The following TTC19 variants were observed in gnomAD, a reference collection of about 807,000 sequenced individuals.
The protein encoded by TTC19 is tetratricopeptide repeat domain 19.
A neutral mutation model predicts 49.5 loss-of-function variants in TTC19; 38 were observed. That is an observed-to-expected ratio of 0.77 (90% CI 0.59 to 1.01). The LOEUF is 1.01. TTC19 is among the 50% of genes least tolerant of loss of function. The probability of loss-of-function intolerance (pLI) is 0.00; values close to 1 mark genes in which losing one functional copy is unlikely to be tolerated. For missense variants in TTC19, 475 were observed against 477.7 expected (o/e 0.99, Z 0.05); for synonymous variants, 204 against 185.2 (o/e 1.10, Z -0.83).
chr17:16,027,371 T>C lies in TTC19; in HGVS notation c.995-3T>C, dbSNP rs754549072. 1.2e-6 allele frequency: 2 copies of C among 1,613,846 alleles called. No individual in the cohort carries two copies. Among genetic ancestry groups the C allele is most frequent in the Non-Finnish European group, 1.7e-6 (2 of 1,179,884 alleles). ...ACTGTCCCTTCTCTCTGGGTTATTT[T>C]AGAACGATATACACAAGCAAAAGAG... On this transcript the variant is annotated splice_region_variant and splice_polypyrimidine_tract_variant and intron_variant, in intron 9 of 9. Transcript: ENST00000261647.
At chr17:16,025,670 AAAC>A (rs1971530386) in intron 8 of TTC19, among the ~76,000 whole-genome samples, 1 of 152,258 alleles carries the variant, frequency 6.6e-6, no homozygotes, top group South Asian at 2.1e-4. Flanking sequence ...TTAGAACATT[AAAC>A]ACATTGAATT....
downstream of TTC19, chr17:16,032,093 C>G (rs1274215884): frequency 1.8e-6 from 1 of 541,778 alleles, no homozygotes; most frequent in Non-Finnish European, 3.1e-6. Context: ...TTGCCTGTAT[C>G]AAAGGCAGTT....
chr17:16,024,298 T>C (rs1487894768), intron 7 of TTC19: 1 of 52,630 alleles, frequency 1.9e-5, no homozygotes, highest in Non-Finnish European at 6.8e-5. Flanking sequence ...TTCTTTTTTT[T>C]CTTTTTTTTT....
At chr17:16,027,287 C>T (rs1014929279) in intron 9 of TTC19, 87 bp from the exon 10 acceptor site, 1 of 1,498,590 alleles carries the variant, frequency 6.7e-7, no homozygotes, top group Non-Finnish European at 9.2e-7. Flanking sequence ...TAAATTAGCC[C>T]TATATCTGCA....
intron 9 of TTC19, chr17:16,026,958 T>TA: frequency 1.8e-6 from 1 of 569,086 alleles, no homozygotes; most frequent in Non-Finnish European, 3.2e-6. Context: ...GATAGTACCT[T>TA]ACGTCAGTAG....
chr17:16,044,284 G>A (rs776610745), intron 2 of TTC19, among the ~76,000 whole-genome samples: 3 of 152,016 alleles, frequency 2.0e-5, no homozygotes, highest in Admixed American at 6.6e-5. Flanking sequence ...ACAGAACCTA[G>A]TAATTAAGAG....
downstream of TTC19, among the ~76,000 whole-genome samples, chr17:16,033,431 A>T (rs373127332): frequency 5.3e-5 from 8 of 152,198 alleles, no homozygotes; most frequent in East Asian, 1.5e-3. Flanking sequence ...TCCCTAAGAG[A>T]TCTGAGAAGC....
intron 7 of TTC19, among the ~76,000 whole-genome samples, chr17:16,010,913 G>T (rs1205779825): frequency 6.6e-6 from 1 of 152,214 alleles, no homozygotes; most frequent in Admixed American, 6.5e-5. Context: ...TTCTGGTTGT[G>T]TCTACATTAT....
intron 2 of TTC19, among the ~76,000 whole-genome samples, chr17:16,043,891 C>T (rs889529103): frequency 3.9e-5 from 6 of 152,026 alleles, no homozygotes; most frequent in Non-Finnish European, 7.4e-5. Flanking sequence ...AAAAGGTGGC[C>T]GGATACAGTG....
intron 2 of TTC19, chr17:16,039,886 A>C: frequency 2.2e-6 from 1 of 460,856 alleles, no homozygotes; most frequent in Non-Finnish European, 4.0e-6. Flanking sequence ...CGCCTCCCAG[A>C]TTCAAGGGAT....
chr17:16,010,299 G>A (rs12939400), intron 7 of TTC19, among the ~76,000 whole-genome samples: 1 of 147,604 alleles, frequency 6.8e-6, no homozygotes, highest in East Asian at 2.0e-4. Flanking sequence ...TCAGCCTCCC[G>A]AGTAGCCGGG....
chr17:16,016,574 T>G (rs949266273), intron 7 of TTC19, among the ~76,000 whole-genome samples: 11 of 148,892 alleles, frequency 7.4e-5, no homozygotes, highest in African/African-American at 2.8e-4. Context: ...TTTTTTTTTT[T>G]TGGGATGGAG....
chr17:16,011,474 C>T (rs780606648), intron 7 of TTC19, among the ~76,000 whole-genome samples: 5 of 152,178 alleles, frequency 3.3e-5, no homozygotes, highest in African/African-American at 4.8e-5. Flanking sequence ...CGCCCGGCCG[C>T]GTTATATCTT....
downstream of TTC19, chr17:16,030,569 A>ATGTT (rs1284295493): frequency 2.1e-5 from 4 of 186,570 alleles, no homozygotes; most frequent in Non-Finnish European, 4.5e-5. Context: ...AAATTTTTAT[A>ATGTT]TGTTTACATA....
chr17:16,030,517 CTG>C (rs1198006033), downstream of TTC19: 1 of 195,174 alleles, frequency 5.1e-6, no homozygotes, highest in African/African-American at 2.3e-5. Flanking sequence ...CAGCAGAAAA[CTG>C]TGAAGTGGAA....
chr17:16,040,840 G>A, intron 2 of TTC19: 1 of 275,052 alleles, frequency 3.6e-6, no homozygotes, highest in South Asian at 4.2e-5. Flanking sequence ...GGCCAGCCTG[G>A]GCAACACAGT....
chr17:16,006,952 A>T (rs1970928504), intron 7 of TTC19, among the ~76,000 whole-genome samples: 1 of 152,232 alleles, frequency 6.6e-6, no homozygotes, highest in South Asian at 2.1e-4. Flanking sequence ...AAGAAGAGAA[A>T]AAAAGCTCAT....
chr17:16,043,658 A>G (rs2152105079), intron 2 of TTC19, among the ~76,000 whole-genome samples: 1 of 152,356 alleles, frequency 6.6e-6, no homozygotes, highest in South Asian at 2.1e-4. Context: ...GGTAAGACAA[A>G]GACTACAGAA....
At chr17:16,006,871 C>T (rs1243952161) in intron 7 of TTC19, among the ~76,000 whole-genome samples, 9 of 151,748 alleles carry the variant, frequency 5.9e-5, no homozygotes, top group South Asian at 2.1e-4. Flanking sequence ...AGGTGTTTCT[C>T]GTATCTCTTA....
Sources: allele counts gnomAD v4.1 joint callset (sites outside exome capture counted in the v4.1 genomes callset), GRCh38; gene constraint gnomAD v4.1.1; transcripts MANE v1.5; gene names NCBI Gene and HGNC (gene_info 2026-07-23, HGNC 2026-07-21).